Variants in IL18 observed in about 807,000 individuals in gnomAD.
IL18 encodes the protein interleukin 18, also known as interleukin-18.
A neutral mutation model predicts 14.2 loss-of-function variants in IL18; 8 were observed. The observed-to-expected ratio is 0.56, with a 90% CI of 0.33 to 1.01. The LOEUF (loss-of-function observed/expected upper bound fraction) is 1.01, where lower values mean the gene tolerates loss of function less well. IL18 is among the 50% of genes least tolerant of loss of function. The probability of loss-of-function intolerance (pLI) is 0.03; values close to 1 mark genes in which losing one functional copy is unlikely to be tolerated. For synonymous variants in IL18, 67 were observed against 71.0 expected, an observed-to-expected ratio of 0.94 and a Z score of 0.28; for missense variants, 166 against 231.1, an observed-to-expected ratio of 0.72 and a Z score of 1.83.
chr11:112,151,578 TCTC>T (rs1764631743), intron 3 of IL18, among the ~76,000 whole-genome samples: 1 of 152,236 alleles, frequency 6.6e-6, no homozygotes. Flanking sequence ...GTCTTGTTTC[TCTC>T]CTCCTTTTAA....
intron 5 of IL18, among the ~76,000 whole-genome samples, chr11:112,144,853 T>C (rs1308358363): frequency 6.6e-6 from 1 of 152,254 alleles, no homozygotes; most frequent in Admixed American, 6.5e-5. Flanking sequence ...AGTCACAGAA[T>C]AGGGTCTTGT....
At chr11:112,153,501 T>G in intron 3 of IL18, 91 bp downstream of exon 3, 3 of 814,090 alleles carry the variant, frequency 3.7e-6, no homozygotes, top group Non-Finnish European at 5.5e-6. Context: ...TGAGAACCAT[T>G]TTTTTTTTTC....
chr11:112,147,775 G>T (rs1212586577), intron 5 of IL18, among the ~76,000 whole-genome samples: 3 of 152,152 alleles, frequency 2.0e-5, no homozygotes, highest in Non-Finnish European at 4.4e-5. Context: ...TGGGGACTGG[G>T]TGGGCATGAA....
chr11:112,160,926 G>A (rs1158195664), intron 1 of IL18, among the ~76,000 whole-genome samples: 1 of 151,986 alleles, frequency 6.6e-6, no homozygotes, highest in Non-Finnish European at 1.5e-5. Context: ...ATTACAAGTA[G>A]TGTGTTCTCA....
intron 2 of IL18, among the ~76,000 whole-genome samples, chr11:112,154,424 G>A (rs1055288314): frequency 6.6e-6 from 1 of 151,890 alleles, no homozygotes; most frequent in African/African-American, 2.4e-5. Context: ...TACTCAGAAG[G>A]CTGAGGCAGG....
intron 1 of IL18, among the ~76,000 whole-genome samples, chr11:112,157,731 G>A (rs1566745278): frequency 6.6e-6 from 1 of 151,978 alleles, no homozygotes; most frequent in Non-Finnish European, 1.5e-5. Context: ...GCTAGGCAGC[G>A]GGGAGACCGA....
At chr11:112,145,132 C>T (rs1257920609) in intron 5 of IL18, among the ~76,000 whole-genome samples, 2 of 148,908 alleles carry the variant, frequency 1.3e-5, no homozygotes, top group Non-Finnish European at 3.0e-5. Flanking sequence ...CTTCAAAGAG[C>T]CTGAAAGACT....
intron 5 of IL18, among the ~76,000 whole-genome samples, chr11:112,145,707 C>T (rs1334043089): frequency 6.6e-6 from 1 of 151,198 alleles, no homozygotes; most frequent in Non-Finnish European, 1.5e-5. Flanking sequence ...CCACTGCACT[C>T]TAGCCTGGGC....
intron 5 of IL18, among the ~76,000 whole-genome samples, chr11:112,145,535 C>T (rs1212626469): frequency 1.3e-5 from 2 of 152,140 alleles, no homozygotes; most frequent in African/African-American, 2.4e-5. Context: ...TTCAGGAGAT[C>T]GAGACCATCC....
At chr11:112,159,425 A>G (rs1293522492) in intron 1 of IL18, among the ~76,000 whole-genome samples, 1 of 152,128 alleles carries the variant, frequency 6.6e-6, no homozygotes. Flanking sequence ...AGTAATTTTA[A>G]CAATTAAGAG....
At chr11:112,154,356 C>T (rs1416455372) in intron 2 of IL18, among the ~76,000 whole-genome samples, 1 of 151,950 alleles carries the variant, frequency 6.6e-6, no homozygotes, top group African/African-American at 2.4e-5. Flanking sequence ...AAAACCCTGT[C>T]TCTAGTAAAA....
intron 5 of IL18, among the ~76,000 whole-genome samples, chr11:112,144,124 C>G (rs1254529933): frequency 6.6e-6 from 1 of 152,224 alleles, no homozygotes; most frequent in Non-Finnish European, 1.5e-5. Context: ...AGAGTTCCAG[C>G]AAAGACCACA....
At chr11:112,151,366 A>T (rs1374990180) in intron 3 of IL18, among the ~76,000 whole-genome samples, 3 of 151,790 alleles carry the variant, frequency 2.0e-5, no homozygotes, top group Non-Finnish European at 4.4e-5. Flanking sequence ...TATACATAGA[A>T]AGGAGTGTAG....
intron 2 of IL18, 62 bp from the exon 3 acceptor site, chr11:112,153,665 A>G: frequency 3.3e-6 from 4 of 1,223,164 alleles, no homozygotes; most frequent in South Asian, 1.4e-5. Context: ...CTCAGAATTC[A>G]ATCTCATTCT....
intron 1 of IL18, among the ~76,000 whole-genome samples, chr11:112,159,563 C>T (rs1866595015): frequency 6.6e-6 from 1 of 152,058 alleles, no homozygotes; most frequent in South Asian, 2.1e-4. Flanking sequence ...TTGGCTTGGG[C>T]AATTTGTTGA....
At position 112,143,538 on chromosome 11, in the gene IL18, T is replaced by G; in HGVS notation, c.*58A>C. The G allele has an allele frequency of 8.4e-7, 1 of 1,188,954 alleles. No individual in the cohort carries two copies. Among genetic ancestry groups the G allele is most frequent in the Non-Finnish European group, 1.2e-6 (1 of 822,246 alleles). 73.7% of individuals were successfully genotyped at this position (1,188,954 alleles called of 1,614,324 possible). On this transcript the variant is annotated 3_prime_UTR_variant, in exon 6 of 6. Transcript: ENST00000280357. ...CTCTGGTGATCTGCCCGCCTCAGCCTCCCAAAGGGCTGGGATTACAGGCGT... is the reference window on the plus strand; with the variant it reads ...CTCTGGTGATCTGCCCGCCTCAGCCGCCCAAAGGGCTGGGATTACAGGCGT...
At chr11:112,147,818 A>T (rs1248657379) in intron 5 of IL18, among the ~76,000 whole-genome samples, 1 of 152,218 alleles carries the variant, frequency 6.6e-6, no homozygotes, top group African/African-American at 2.4e-5. Context: ...TCCACTCAAA[A>T]AGAGTCTTCA....
chr11:112,158,314 G>A (rs1315939918), intron 1 of IL18, among the ~76,000 whole-genome samples: 3 of 152,178 alleles, frequency 2.0e-5, no homozygotes, highest in Admixed American at 2.0e-4. Flanking sequence ...TGGAAAAAAC[G>A]TAAAAGTTTG....
chr11:112,163,290 G>A (rs1326494637), intron 1 of IL18, among the ~76,000 whole-genome samples: 1 of 152,110 alleles, frequency 6.6e-6, no homozygotes, highest in Non-Finnish European at 1.5e-5. Context: ...TTTTTTGTTT[G>A]CTTTTAATGT....
Sources: allele counts gnomAD v4.1 joint callset (sites outside exome capture counted in the v4.1 genomes callset), GRCh38; gene constraint gnomAD v4.1.1; transcripts MANE v1.5; gene names NCBI Gene and HGNC (gene_info 2026-07-23, HGNC 2026-07-21).